The following RBFOX1 variants were observed in gnomAD, a reference collection of about 807,000 sequenced individuals.
RBFOX1 encodes RNA binding protein fox-1 homolog 1.
RBFOX1 carries 8 observed loss-of-function variants against 57.7 expected under a neutral mutation model. The ratio of observed to expected loss-of-function variants is 0.14; its 90% CI spans 0.08 to 0.25. RBFOX1 has a LOEUF of 0.25. Among genes scored for constraint, RBFOX1 ranks in the 10% least tolerant of loss-of-function variants. The pLI, the probability that RBFOX1 is intolerant of heterozygous loss-of-function variation, is 1.00. For synonymous variants in RBFOX1, 326 were observed against 222.4 expected, an observed-to-expected ratio of 1.47 and a Z score of -4.15; for missense variants, 611 against 548.5, an observed-to-expected ratio of 1.11 and a Z score of -1.14.
intron 1 of RBFOX1, among the ~76,000 whole-genome samples, chr16:6,186,395 T>C (rs1477502187): frequency 6.6e-6 from 1 of 152,170 alleles, no homozygotes; most frequent in Non-Finnish European, 1.5e-5. Context: ...ATATGGGGAA[T>C]GTTCCATGCC....
intron 3 of RBFOX1, among the ~76,000 whole-genome samples, chr16:6,911,604 T>C (rs1596992158): frequency 2.0e-5 from 3 of 152,330 alleles, no homozygotes; most frequent in Admixed American, 2.0e-4. Context: ...GTAAAGACCC[T>C]GCTTCCAAAT....
chr16:6,146,421 A>G (rs1029740366), intron 1 of RBFOX1, among the ~76,000 whole-genome samples: 1 of 152,194 alleles, frequency 6.6e-6, no homozygotes, highest in South Asian at 2.1e-4. Context: ...TTGGGGCTAG[A>G]TGATTTTCAC....
intron 1 of RBFOX1, among the ~76,000 whole-genome samples, chr16:6,306,912 A>G (rs1455304008): frequency 6.6e-6 from 1 of 152,160 alleles, no homozygotes; most frequent in African/African-American, 2.4e-5. Flanking sequence ...TGGGATTGGT[A>G]AAGGAAGATA....
intron 2 of RBFOX1, among the ~76,000 whole-genome samples, chr16:5,485,552 A>G (rs35866564): frequency 0.12 from 17,845 of 152,130 alleles, 1,403 homozygotes; most frequent in Non-Finnish European, 0.16. Flanking sequence ...TACCACAATT[A>G]GGGACTTAAA....
intron 1 of RBFOX1, among the ~76,000 whole-genome samples, chr16:5,410,290 G>C (rs2066985266): frequency 1.3e-5 from 2 of 151,542 alleles, no homozygotes; most frequent in Admixed American, 6.6e-5. Context: ...AGAATCACCT[G>C]TGCCCTCAGA....
chr16:7,214,891 C>A (rs2091774579), intron 4 of RBFOX1, among the ~76,000 whole-genome samples: 1 of 152,016 alleles, frequency 6.6e-6, no homozygotes, highest in South Asian at 2.1e-4. Flanking sequence ...TTTGTTTATT[C>A]TTTTTATTTT....
At chr16:5,955,464 G>T (rs1298761714) in intron 4 of RBFOX1, among the ~76,000 whole-genome samples, 1 of 152,064 alleles carries the variant, frequency 6.6e-6, no homozygotes, top group African/African-American at 2.4e-5. Flanking sequence ...GGACATTTCT[G>T]TTATGGAAAC....
chr16:5,762,521 C>T (rs1022940941), intron 3 of RBFOX1, among the ~76,000 whole-genome samples: 3 of 152,112 alleles, frequency 2.0e-5, no homozygotes, highest in African/African-American at 4.8e-5. Context: ...CTTAAATGCA[C>T]GTTTGTGCTT....
At chr16:6,920,754 T>C (rs2074282915) in intron 3 of RBFOX1, among the ~76,000 whole-genome samples, 1 of 152,214 alleles carries the variant, frequency 6.6e-6, no homozygotes, top group African/African-American at 2.4e-5. Flanking sequence ...GCAGTGGGCT[T>C]TCCCTCTGTC....
chr16:7,636,623 A>T (rs1274512172), intron 11 of RBFOX1, among the ~76,000 whole-genome samples: 1 of 152,194 alleles, frequency 6.6e-6, no homozygotes, highest in Non-Finnish European at 1.5e-5. Context: ...GTCAAGAGCA[A>T]GTTTTGTTTT....
At chr16:6,357,299 G>C (rs575227269) in intron 2 of RBFOX1, among the ~76,000 whole-genome samples, 3 of 152,138 alleles carry the variant, frequency 2.0e-5, no homozygotes, top group Non-Finnish European at 2.9e-5. Flanking sequence ...TGGTGAGGTT[G>C]AGGGAGAGAC....
chr16:6,921,395 A>T (rs989056329), intron 3 of RBFOX1, among the ~76,000 whole-genome samples: 4 of 152,092 alleles, frequency 2.6e-5, no homozygotes, highest in African/African-American at 7.2e-5. Flanking sequence ...TTCGAAGATC[A>T]CCCAGGTTGT....
chr16:7,401,298 T>G (rs1366225761), intron 4 of RBFOX1, among the ~76,000 whole-genome samples: 1 of 152,232 alleles, frequency 6.6e-6, no homozygotes, highest in Non-Finnish European at 1.5e-5. Flanking sequence ...GCTTTTCATA[T>G]TTTAAATAGC....
At chr16:7,547,846 T>G (rs76087731) in intron 5 of RBFOX1, among the ~76,000 whole-genome samples, 3 of 152,316 alleles carry the variant, frequency 2.0e-5, no homozygotes, top group Admixed American at 1.3e-4. Flanking sequence ...TTGTGTGTAT[T>G]TAACAGCAGA....
chr16:5,767,502 T>C lies in RBFOX1; in HGVS notation c.319-99801T>C, dbSNP rs138324960. The stretch of plus-strand genomic sequence containing the variant: ...AGGCATGAAGCATGTGTGTATGGGT[T>C]CAGAGCCCCTGTGCAGACATCACAC... On this transcript the variant is annotated intron_variant, in intron 3 of 19. Transcript: ENST00000641259. Among the ~76,000 whole-genome samples, 10 of 152,254 alleles carry C rather than the reference T, an allele frequency of 6.6e-5. No individual in the cohort carries two copies. The East Asian group carries it at 1.9e-3, about 29-fold the overall frequency.
intron 4 of RBFOX1, among the ~76,000 whole-genome samples, chr16:7,141,607 T>G (rs767827192): frequency 1.4e-4 from 21 of 152,230 alleles, no homozygotes; most frequent in Non-Finnish European, 1.2e-4. Context: ...AAAGATTGCA[T>G]GTTCATTAAC....
intron 3 of RBFOX1, among the ~76,000 whole-genome samples, chr16:6,724,425 C>G (rs1361884705): frequency 1.3e-5 from 2 of 151,976 alleles, no homozygotes; most frequent in African/African-American, 4.8e-5. Flanking sequence ...CCAGGCTGGT[C>G]TCGAACTCCT....
At chr16:5,728,383 G>A (rs1219810296) in intron 3 of RBFOX1, among the ~76,000 whole-genome samples, 2 of 152,148 alleles carry the variant, frequency 1.3e-5, no homozygotes, top group Non-Finnish European at 2.9e-5. Context: ...ACGGACTCCT[G>A]TGTGCAAAGG....
Position 7,646,964 on chromosome 16 carries a change from G to A in RBFOX1, c.758-6851G>A, listed in dbSNP as rs1254871531. 5.3e-5 allele frequency among the ~76,000 whole-genome samples: 8 copies of A among 152,054 alleles called. No homozygotes were observed. In the East Asian group the frequency reaches 1.5e-3, roughly 29 times the overall value. On this transcript the variant is annotated intron_variant, in intron 11 of 15. Transcript: ENST00000550418. ...AGGTGGGGGCTTTGTTTTTGAGGGG[G>A]AGACAGGCAGTTAGCAGTTGACACT...
Sources: gnomAD v4.1 joint callset for allele counts (sites outside exome capture counted in the v4.1 genomes callset) on GRCh38, gnomAD v4.1.1 for gene constraint, MANE v1.5 for transcripts, NCBI Gene and HGNC (gene_info 2026-07-23, HGNC 2026-07-21) for gene names.